Variants in ALDH9A1 observed in about 807,000 individuals in gnomAD.
The protein encoded by ALDH9A1 is aldehyde dehydrogenase 9 family member A1, also known as 4-trimethylaminobutyraldehyde dehydrogenase.
A neutral mutation model predicts 56.6 loss-of-function variants in ALDH9A1; 42 were observed. The observed-to-expected ratio is 0.74, with a 90% confidence interval of 0.58 to 0.96. The LOEUF is 0.96. Among genes scored for constraint, ALDH9A1 ranks in the 40% least tolerant of loss-of-function variants. The pLI is 0.00. For synonymous variants in ALDH9A1, 242 were observed against 236.0 expected (o/e 1.03, Z -0.23); for missense variants, 661 against 651.5 (o/e 1.01, Z -0.16).
At chr1:165,677,010 A>T (rs982313040) in intron 6 of ALDH9A1, among the ~76,000 whole-genome samples, 1 of 152,208 alleles carries the variant, frequency 6.6e-6, no homozygotes, top group African/African-American at 2.4e-5. Flanking sequence ...AAACAATCAG[A>T]TATTATTTAT....
rs897293258 is a variant in ALDH9A1 at position 165,674,160 on chromosome 1, T to C, written c.931-4710A>G. Among the ~76,000 whole-genome samples, 6 of 151,966 alleles carry C rather than the reference T, an allele frequency of 3.9e-5. No individual in the cohort carries two copies. In the East Asian group the frequency reaches 7.7e-4, roughly 20 times the overall value. On this transcript the variant is annotated intron_variant, in intron 6 of 10. Transcript: ENST00000354775. ...CATGGCAACGTCATTTTACCCTATATGGTCTAAAATGAGGAGGCATGAATA... is the reference window on the plus strand; with the variant it reads ...CATGGCAACGTCATTTTACCCTATACGGTCTAAAATGAGGAGGCATGAATA...
At position 165,683,002 on chromosome 1, in the gene ALDH9A1, C is replaced by A; in HGVS notation, c.436G>T (p.Gly146Cys). ...TTACCAGCCATGGATGCAGCCAAGC[C>A]CGCATAATACTCCAGGCACTGCCAG... ...ISWQCLEYYA[G>C]LAASMAGEHI... is the part of the protein sequence containing the mutation. The change falls in exon 3 of 11, where the codon GGC (glycine) becomes TGC (cysteine). Residue 146 changes from glycine to cysteine, a missense_variant. Coordinates refer to ENST00000354775, the MANE Select transcript of ALDH9A1 (RefSeq NM_000696.4). The A allele has an allele frequency of 1.9e-6, 3 of 1,613,994 alleles. No individual in the cohort carries two copies. Among genetic ancestry groups the A allele is most frequent in the Non-Finnish European group, 2.5e-6 (3 of 1,179,958 alleles).
chr1:165,675,338 T>C (rs1321509866), intron 6 of ALDH9A1, among the ~76,000 whole-genome samples: 1 of 152,044 alleles, frequency 6.6e-6, no homozygotes, highest in Non-Finnish European at 1.5e-5. Context: ...TTCTATACTA[T>C]ATGTATTCTT....
intron 2 of ALDH9A1, among the ~76,000 whole-genome samples, chr1:165,689,933 CA>C (rs1227331541): frequency 2.3e-4 from 21 of 90,128 alleles, no homozygotes; most frequent in South Asian, 2.0e-3. Context: ...GACTCCATCA[CA>C]AAAAAAAAAT....
intron 7 of ALDH9A1, 23 bp downstream of exon 7, chr1:165,669,239 C>T: frequency 6.3e-7 from 1 of 1,581,516 alleles, no homozygotes; most frequent in Non-Finnish European, 8.6e-7. Flanking sequence ...CCCAACCCCA[C>T]CCTACTGCCA....
intron 2 of ALDH9A1, among the ~76,000 whole-genome samples, chr1:165,692,371 A>G (rs199626151): frequency 2.0e-4 from 30 of 152,176 alleles, no homozygotes; most frequent in Admixed American, 1.5e-3. Flanking sequence ...CAAAGTCTCA[A>G]GATACAAAAT....
rs1456124422 is a variant in ALDH9A1, at chr1:165,669,174, G to C, written c.1119+88C>G. The C allele has an allele frequency of 2.1e-6, 3 of 1,395,838 alleles. No homozygotes were observed. The African/African-American group carries it at 4.3e-5, about 20-fold the overall frequency. 86.5% of individuals were successfully genotyped at this position (1,395,838 alleles called of 1,614,324 possible). A position where few individuals can be genotyped will look rare whatever the true frequency, so the allele number is the denominator to read the frequency against. On this transcript the variant is annotated intron_variant, in intron 7 of 10. Transcript: ENST00000354775. ...ATAGTCCAATGAATAATAGTCATAC[G>C]AATATTAACATGAAAAGGGCACAAA...
rs1396724683 is a variant in ALDH9A1 at position 165,669,320 on chromosome 1, A to C, written c.1061T>G (p.Leu354Arg). ...PLLEDTRMGPLINRPHLERVL... is the reference protein window; with the variant it reads ...PLLEDTRMGPRINRPHLERVL... ...TCGCTCCAGGTGTGGTCGGTTGATG[A>C]GTGGACCCATCCTTGTATCTTCCAG... Residue 354 changes from leucine to arginine, a missense_variant, in exon 7 of 11, where the codon CTC (leucine) becomes CGC (arginine). Transcript: ENST00000354775. The C allele has an allele frequency of 6.2e-7, 1 of 1,613,956 alleles. No homozygotes were observed. Among genetic ancestry groups the C allele is most frequent in the South Asian group, 1.1e-5 (1 of 91,056 alleles).
intron 6 of ALDH9A1, among the ~76,000 whole-genome samples, chr1:165,670,263 T>A (rs1352849893): frequency 6.6e-6 from 1 of 151,990 alleles, no homozygotes; most frequent in Admixed American, 6.6e-5. Flanking sequence ...TGAAACCCCA[T>A]CTCTACAAAA....
intron 6 of ALDH9A1, among the ~76,000 whole-genome samples, chr1:165,679,128 T>C (rs1178885993): frequency 6.6e-6 from 1 of 152,238 alleles, no homozygotes; most frequent in African/African-American, 2.4e-5. Flanking sequence ...ACCGTGCTTA[T>C]GTAAAAGAAT....
Position 165,662,364 on chromosome 1 carries a change from T to C in ALDH9A1, c.*686A>G, listed in dbSNP as rs1004928445. 2 of 152,256 alleles carry C rather than the reference T, an allele frequency of 1.3e-5. No individual in the cohort carries two copies. The highest frequency in any genetic ancestry group is 6.5e-5 in the Admixed American group (1 of 15,280). The allele number at this position is 152,256 out of a possible 1,614,324, so 9.4% of individuals were successfully genotyped here. Reference sequence around the variant, plus strand: ...GGGAGATAGATTTCCTCTATCGCAGTAGTGAACAGAGACAAAGTGCTTACT... The same window carrying C: ...GGGAGATAGATTTCCTCTATCGCAGCAGTGAACAGAGACAAAGTGCTTACT... On this transcript the variant is annotated 3_prime_UTR_variant, in exon 11 of 11. Coordinates refer to ENST00000354775, the MANE Select transcript of ALDH9A1 (RefSeq NM_000696.4).
chr1:165,695,383 T>C lies in ALDH9A1; in HGVS notation c.196A>G (p.Thr66Ala), dbSNP rs1385820395. 1.2e-6 allele frequency: 2 copies of C among 1,610,416 alleles called. No individual in the cohort carries two copies. The highest frequency in any genetic ancestry group is 8.5e-7 in the Non-Finnish European group (1 of 1,178,668). Residue 66 changes from threonine (T) to alanine (A), a missense_variant, in exon 2 of 11, where the codon ACT becomes GCT. Transcript: ENST00000354775. ...TCCTTTTCTCCTGAACATGTGAAAG[T>C]AGCTATCACTCGGCCTATAAAGAGC... is the stretch of plus-strand genomic sequence containing the variant. Reference protein sequence around the residue: ...FEPATGRVIATFTCSGEKEVN... With the variant: ...FEPATGRVIAAFTCSGEKEVN...
chr1:165,688,835 G>A (rs1434015994), intron 2 of ALDH9A1, among the ~76,000 whole-genome samples: 1 of 152,184 alleles, frequency 6.6e-6, no homozygotes, highest in African/African-American at 2.4e-5. Flanking sequence ...TTGGGGTGAA[G>A]GCAGGTTCAG....
chr1:165,671,505 T>C (rs893952912), intron 6 of ALDH9A1: 3 of 457,814 alleles, frequency 6.6e-6, no homozygotes, highest in African/African-American at 4.1e-5. Flanking sequence ...AATTCTTAAG[T>C]CTAAGGGACC....
Position 165,695,236 on chromosome 1 carries a change from A to T in ALDH9A1, c.327+16T>A. On this transcript the variant is annotated intron_variant, in intron 2 of 10. Transcript: ENST00000354775. Reference sequence around the variant, plus strand: ...AGCAATGTCTGAGTTCTGGAAGGAAATAAATTGGAACATACCCTTATTATC... The same window carrying T: ...AGCAATGTCTGAGTTCTGGAAGGAATTAAATTGGAACATACCCTTATTATC... The T allele has an allele frequency of 6.3e-7, 1 of 1,584,888 alleles. No homozygotes were observed. The highest frequency in any genetic ancestry group is 1.2e-5 in the South Asian group (1 of 86,208).
chr1:165,683,330 C>T (rs959746609), intron 2 of ALDH9A1, among the ~76,000 whole-genome samples: 1 of 151,910 alleles, frequency 6.6e-6, no homozygotes, highest in Non-Finnish European at 1.5e-5. Context: ...GATTTAAGAC[C>T]ACTACTTTAT....
chr1:165,671,695 A>T (rs962312567), intron 6 of ALDH9A1: 3 of 453,344 alleles, frequency 6.6e-6, no homozygotes, highest in African/African-American at 4.1e-5. Context: ...CCAACTGGAA[A>T]TATGAATCAT....
Position 165,683,016 on chromosome 1 carries a change from A to G in ALDH9A1, c.422T>C (p.Leu141Pro). Residue 141 changes from leucine to proline, a missense_variant, in exon 3 of 11, where the codon CTG becomes CCG. Coordinates refer to ENST00000354775, the MANE Select transcript of ALDH9A1 (RefSeq NM_000696.4). ...TGCAGCCAAGCCCGCATAATACTCC[A>G]GGCACTGCCAGGAAATGTCAATGTC... ...RLDIDISWQCLEYYAGLAASM... is the reference protein window; with the variant it reads ...RLDIDISWQCPEYYAGLAASM... The G allele has an allele frequency of 6.2e-7, 1 of 1,614,060 alleles. No homozygotes were observed. Among genetic ancestry groups the G allele is most frequent in the Non-Finnish European group, 8.5e-7 (1 of 1,179,950 alleles).
chr1:165,690,220 T>C (rs1452097877), intron 2 of ALDH9A1, among the ~76,000 whole-genome samples: 1 of 150,526 alleles, frequency 6.6e-6, no homozygotes, highest in Non-Finnish European at 1.5e-5. Flanking sequence ...TATATGTATA[T>C]GTATGTAATA....
Sources: gnomAD v4.1 joint callset for allele counts (sites outside exome capture counted in the v4.1 genomes callset) on GRCh38, gnomAD v4.1.1 for gene constraint, MANE v1.5 for transcripts, NCBI Gene and HGNC (gene_info 2026-07-23, HGNC 2026-07-21) for gene names.